SUGCT: variants seen among roughly 807,000 people sequenced by gnomAD.
SUGCT encodes the protein succinyl-CoA:glutarate-CoA transferase.
A neutral mutation model predicts 55.0 loss-of-function variants in SUGCT; 41 were observed. The ratio of observed to expected loss-of-function variants is 0.74; its 90% CI spans 0.58 to 0.97. SUGCT has a LOEUF of 0.97. Ranked by LOEUF, SUGCT falls within the 50% of genes least tolerant of loss-of-function variation. The pLI, the probability that SUGCT is intolerant of heterozygous loss-of-function variation, is 0.00. For synonymous variants in SUGCT, 187 were observed against 200.4 expected (o/e 0.93, Z 0.56); for missense variants, 568 against 547.8 (o/e 1.04, Z -0.37).
At position 40,657,034 on chromosome 7, in the gene SUGCT, G is replaced by A. The variant is rs977014200; in HGVS notation, c.1090-92400G>A. ...TGAAATGAATGAAAAGATTGAAACC[G>A]TTTACTTTTTTGTGACTCCACCTGC... On this transcript the variant is annotated intron_variant, in intron 12 of 13. Coordinates refer to ENST00000335693, the MANE Select transcript of SUGCT (RefSeq NM_001193313.2). Among the ~76,000 whole-genome samples the A allele has an allele frequency of 3.9e-5, 6 of 152,242 alleles. No homozygotes were observed. The South Asian group carries it at 1.2e-3, about 32-fold the overall frequency.
At chr7:40,545,098 C>T (rs1405918288) in intron 12 of SUGCT, among the ~76,000 whole-genome samples, 1 of 152,054 alleles carries the variant, frequency 6.6e-6, no homozygotes, top group South Asian at 2.1e-4. Context: ...GGAAAAATAG[C>T]CTGAAAGACT....
chr7:40,249,315 A>ATCTATATCTATATATATATATATC (rs1314961773), intron 7 of SUGCT, among the ~76,000 whole-genome samples: 6 of 33,516 alleles, frequency 1.8e-4, no homozygotes, highest in Non-Finnish European at 3.8e-4. Context: ...CCAAAAAGCT[A>ATCTATATCTATATATATATATATC]TATATATATA....
At chr7:40,465,377 A>T (rs1462899650) in intron 11 of SUGCT, among the ~76,000 whole-genome samples, 1 of 152,140 alleles carries the variant, frequency 6.6e-6, no homozygotes, top group Non-Finnish European at 1.5e-5. Flanking sequence ...TGGGAGGCTG[A>T]GGCAGGCAGA....
chr7:40,812,498 T>G lies in SUGCT; in HGVS notation c.1154-47818T>G, dbSNP rs568251532. 1.8e-3 allele frequency among the ~76,000 whole-genome samples: 269 copies of G among 152,262 alleles called. 2 individuals carry two copies. The highest frequency in any genetic ancestry group is 6.2e-3 in the African/African-American group (256 of 41,566). On this transcript the variant is annotated intron_variant, in intron 13 of 13. Coordinates refer to ENST00000335693, the MANE Select transcript of SUGCT (RefSeq NM_001193313.2). ...TTATTCATTTTCTCTAGTTTTTTTCTAGTTTGCACGCATAGAGGTGTGCAT... is the reference window on the plus strand; with the variant it reads ...TTATTCATTTTCTCTAGTTTTTTTCGAGTTTGCACGCATAGAGGTGTGCAT...
At chr7:40,179,017 T>A (rs541754441) in intron 1 of SUGCT, among the ~76,000 whole-genome samples, 1 of 152,298 alleles carries the variant, frequency 6.6e-6, no homozygotes, top group Non-Finnish European at 1.5e-5. Context: ...TCTATCATAT[T>A]TTTAAGTGTC....
intron 1 of SUGCT, among the ~76,000 whole-genome samples, chr7:40,164,765 C>T (rs1054179443): frequency 1.3e-5 from 2 of 152,182 alleles, no homozygotes; most frequent in Admixed American, 1.3e-4. Context: ...TCAATACATA[C>T]TCATGAATTT....
intron 12 of SUGCT, among the ~76,000 whole-genome samples, chr7:40,552,288 G>C (rs914637602): frequency 2.0e-5 from 3 of 152,182 alleles, no homozygotes; most frequent in Non-Finnish European, 4.4e-5. Context: ...TGTGGCATGA[G>C]AGGCCCCTCT....
At chr7:40,510,255 TTAAAA>T (rs1379353198) in intron 12 of SUGCT, among the ~76,000 whole-genome samples, 4 of 152,268 alleles carry the variant, frequency 2.6e-5, no homozygotes, top group Admixed American at 1.3e-4. Context: ...TGTTTTTTTA[TTAAAA>T]TAAAATGATT....
chr7:40,606,135 G>C (rs1798524342), intron 12 of SUGCT, among the ~76,000 whole-genome samples: 1 of 152,234 alleles, frequency 6.6e-6, no homozygotes, highest in South Asian at 2.1e-4. Flanking sequence ...ACAGGAAGCT[G>C]TCTACCTTCT....
chr7:40,962,669 C>A, the SUGCT span, among the ~76,000 whole-genome samples: 3 of 151,480 alleles, frequency 2.0e-5, no homozygotes, highest in Admixed American at 6.6e-5. Flanking sequence ...GTGAGAAGTT[C>A]TAGGTTAAAA....
At chr7:40,234,544 T>G (rs562767559) in intron 6 of SUGCT, among the ~76,000 whole-genome samples, 32 of 152,344 alleles carry the variant, frequency 2.1e-4, no homozygotes, top group African/African-American at 7.5e-4. Context: ...AGTTAAGAAT[T>G]TATACATTTT....
At chr7:40,270,499 T>C (rs191697139) in intron 7 of SUGCT, among the ~76,000 whole-genome samples, 7 of 152,324 alleles carry the variant, frequency 4.6e-5, no homozygotes, top group Admixed American at 3.3e-4. Flanking sequence ...ACTCTTCCAA[T>C]TGAATTGTGT....
intron 12 of SUGCT, among the ~76,000 whole-genome samples, chr7:40,502,996 G>A (rs546762217): frequency 2.2e-3 from 341 of 152,124 alleles, no homozygotes; most frequent in Non-Finnish European, 3.9e-3. Flanking sequence ...GTATTGGAAG[G>A]AAAAGCTTTT....
In SUGCT at chr7:40,551,546, G is replaced by A. The variant is rs918335745; in HGVS notation, c.1089+55160G>A. Reference sequence around the variant, plus strand: ...AGAAATAAATATATATGTTGTGCTCGGTCATAATAAACATTGACAGTTCAG... The same window carrying A: ...AGAAATAAATATATATGTTGTGCTCAGTCATAATAAACATTGACAGTTCAG... On this transcript the variant is annotated intron_variant, in intron 12 of 13. Coordinates refer to ENST00000335693, the MANE Select transcript of SUGCT (RefSeq NM_001193313.2). Among the ~76,000 whole-genome samples, 6 of 152,078 alleles carry A rather than the reference G, an allele frequency of 3.9e-5. No individual in the cohort carries two copies. In the East Asian group the frequency reaches 1.2e-3, roughly 29 times the overall value.
At chr7:40,745,205 T>G (rs1787673161) in intron 12 of SUGCT, among the ~76,000 whole-genome samples, 1 of 152,220 alleles carries the variant, frequency 6.6e-6, no homozygotes, top group Non-Finnish European at 1.5e-5. Context: ...TACTTTGATT[T>G]TGATATGTGT....
chr7:40,732,741 A>T (rs1786960601), intron 12 of SUGCT, among the ~76,000 whole-genome samples: 1 of 152,176 alleles, frequency 6.6e-6, no homozygotes, highest in Admixed American at 6.5e-5. Context: ...GAGATGTGAT[A>T]GTGTGATATC....
chr7:40,425,843 A>T (rs1434468729), intron 9 of SUGCT, among the ~76,000 whole-genome samples: 1 of 152,162 alleles, frequency 6.6e-6, no homozygotes, highest in Non-Finnish European at 1.5e-5. Context: ...GCAGATTCAA[A>T]GTCAGACAAG....
At position 40,666,419 on chromosome 7, in the gene SUGCT, GTTTTTT is replaced by G. The variant is rs70990637; in HGVS notation, c.1090-82995_1090-82990del. Among the ~76,000 whole-genome samples, 3 of 72,234 alleles carry G rather than the reference GTTTTTT, an allele frequency of 4.2e-5. No homozygotes were observed. In the East Asian group the frequency reaches 1.3e-3, roughly 31 times the overall value. 47.4% of individuals were successfully genotyped at this position (72,234 alleles called of 152,430 possible). A position where few individuals can be genotyped will look rare whatever the true frequency, so the allele number is the denominator to read the frequency against. ...AGAAAGAAAGTAGGGTTATAGGTTA[GTTTTTT>G]TTTTTTTTTTTTTTTTTTTGGTGGG... On this transcript the variant is annotated intron_variant, in intron 12 of 13. Transcript: ENST00000335693.
chr7:40,228,845 G>A (rs1160281154), intron 6 of SUGCT, among the ~76,000 whole-genome samples: 1 of 151,790 alleles, frequency 6.6e-6, no homozygotes, highest in African/African-American at 2.4e-5. Flanking sequence ...ACCAGTGATG[G>A]CTATTTTTTT....
Sources: gnomAD v4.1 joint callset for allele counts (sites outside exome capture counted in the v4.1 genomes callset) on GRCh38, gnomAD v4.1.1 for gene constraint, MANE v1.5 for transcripts, NCBI Gene and HGNC (gene_info 2026-07-23, HGNC 2026-07-21) for gene names.